ACSBG2: variants seen among roughly 807,000 people sequenced by gnomAD.
ACSBG2 encodes long-chain-fatty-acid--CoA ligase ACSBG2.
ACSBG2 carries 62 observed loss-of-function variants against 74.7 expected under a neutral mutation model. That is an observed-to-expected ratio of 0.83 (90% CI 0.68 to 1.03). The LOEUF is 1.03. Ranked by LOEUF, ACSBG2 falls within the 50% of genes least tolerant of loss-of-function variation. The pLI is 0.00. For synonymous variants in ACSBG2, 309 were observed against 294.1 expected (o/e 1.05, Z -0.52); for missense variants, 730 against 817.6 (o/e 0.89, Z 1.31).
At chr19:6,166,280 T>TGTGTGTGTGTGTG (rs2089799967) in intron 7 of ACSBG2, among the ~76,000 whole-genome samples, 2 of 119,096 alleles carry the variant, frequency 1.7e-5, no homozygotes, top group African/African-American at 7.5e-5. Context: ...GTCAGGAAGG[T>TGTGTGTGTGTGTG]TGTGTGTGTG....
chr19:6,182,910 G>GTCAAC lies in ACSBG2; in HGVS notation c.1071_1075dup (p.Lys359ThrfsTer13). 1 of 1,614,170 alleles carries GTCAAC rather than the reference G, an allele frequency of 6.2e-7. No homozygotes were observed. The highest frequency in any genetic ancestry group is 8.5e-7 in the Non-Finnish European group (1 of 1,180,018). On this transcript the variant is annotated frameshift_variant, in exon 9 of 15. Transcript: ENST00000588485. LOFTEE classifies it high-confidence loss of function. Reference sequence around the variant, plus strand: ...GTGGGCAAGAAACATTGGCTTCAAGGTCAACTCAAAAAAGATGTTGGGGTA... The same window carrying GTCAAC: ...GTGGGCAAGAAACATTGGCTTCAAGGTCAACTCAACTCAAAAAAGATGTTGGGGTA...
chr19:6,146,339 G>A (rs1306895286), intron 2 of ACSBG2, among the ~76,000 whole-genome samples: 1 of 151,926 alleles, frequency 6.6e-6, no homozygotes, highest in Non-Finnish European at 1.5e-5. Flanking sequence ...ATGTGGTGGC[G>A]GGTGCCTGTA....
At chr19:6,138,465 AGAGG>A (rs1176731400) in intron 1 of ACSBG2, among the ~76,000 whole-genome samples, 7 of 127,140 alleles carry the variant, frequency 5.5e-5, no homozygotes, top group East Asian at 2.8e-4. Context: ...CTAGGAAGAG[AGAGG>A]GAGAGAGAGA....
rs1010209157 is a variant in ACSBG2, at chr19:6,157,251, G to T, written c.507+700G>T. On this transcript the variant is annotated intron_variant, in intron 5 of 14. Transcript: ENST00000588485. ...GCGTGAGCCACCGCCCCGAGCCCGG[G>T]CTAACTTTTAAAACATTTTTTGGGC... is the stretch of plus-strand genomic sequence containing the variant. Among the ~76,000 whole-genome samples the T allele has an allele frequency of 3.3e-5, 5 of 152,010 alleles. 1 individual carries two copies. Among genetic ancestry groups the T allele is most frequent in the African/African-American group, 1.2e-4 (5 of 41,510 alleles).
At position 6,187,873 on chromosome 19, in the gene ACSBG2, G is replaced by C. The variant is rs1441057262; in HGVS notation, c.1927+28G>C. On this transcript the variant is annotated intron_variant, in intron 13 of 14. Coordinates refer to ENST00000588485, the MANE Select transcript of ACSBG2 (RefSeq NM_030924.5). ...GAGTGGCCATGACATTTGGAGGCTG[G>C]TCCCTTGTTAGCATCTGGGACTGTG... 3.1e-6 allele frequency: 5 copies of C among 1,609,634 alleles called. No individual in the cohort carries two copies. The African/African-American group carries it at 5.3e-5, about 17-fold the overall frequency.
At chr19:6,172,510 G>A (rs577097664) in intron 7 of ACSBG2, among the ~76,000 whole-genome samples, 64 of 151,378 alleles carry the variant, frequency 4.2e-4, no homozygotes, top group African/African-American at 1.4e-3. Flanking sequence ...AGGTCTGTAC[G>A]GGTTCCATGG....
At chr19:6,178,665 G>A (rs1310387468) in intron 8 of ACSBG2, among the ~76,000 whole-genome samples, 1 of 152,156 alleles carries the variant, frequency 6.6e-6, no homozygotes, top group Non-Finnish European at 1.5e-5. Context: ...ATGAGCCACT[G>A]CACCCAGCTC....
chr19:6,191,829 T>A (rs900285059), intron 14 of ACSBG2: 1 of 152,192 alleles, frequency 6.6e-6, no homozygotes, highest in African/African-American at 2.4e-5. Context: ...CTTCATTTGT[T>A]GATGTCTTGT....
At chr19:6,157,592 T>A (rs1568229508) in intron 5 of ACSBG2, among the ~76,000 whole-genome samples, 1 of 151,996 alleles carries the variant, frequency 6.6e-6, no homozygotes, top group Admixed American at 6.6e-5. Context: ...AAACCATTTT[T>A]TTTTTGTAGA....
chr19:6,160,178 C>T (rs1227687062), intron 5 of ACSBG2, among the ~76,000 whole-genome samples: 2 of 151,900 alleles, frequency 1.3e-5, no homozygotes, highest in Non-Finnish European at 2.9e-5. Flanking sequence ...ATCACGAGGT[C>T]AGGAGATCGA....
At chr19:6,166,918 C>A (rs377374897) in intron 7 of ACSBG2, among the ~76,000 whole-genome samples, 3 of 151,998 alleles carry the variant, frequency 2.0e-5, no homozygotes, top group Non-Finnish European at 2.9e-5. Context: ...GGATTACAGG[C>A]GTGAGCCACA....
chr19:6,170,433 CT>C (rs1325810625), intron 7 of ACSBG2, among the ~76,000 whole-genome samples: 1 of 152,150 alleles, frequency 6.6e-6, no homozygotes, highest in African/African-American at 2.4e-5. Context: ...ATAAAGCCCA[CT>C]TAAAAAGTAT....
At chr19:6,177,894 GT>G (rs2090132364) in intron 8 of ACSBG2, among the ~76,000 whole-genome samples, 1 of 151,546 alleles carries the variant, frequency 6.6e-6, no homozygotes, top group Non-Finnish European at 1.5e-5. Flanking sequence ...GTGTGTGTGT[GT>G]GTGTGTGTGT....
At chr19:6,164,351 G>A (rs1013851276) in intron 6 of ACSBG2, among the ~76,000 whole-genome samples, 14 of 152,146 alleles carry the variant, frequency 9.2e-5, no homozygotes, top group African/African-American at 2.2e-4. Flanking sequence ...CTGGGCAAAG[G>A]GCTTTGCCTG....
At chr19:6,156,754 T>C (rs771644987) in intron 5 of ACSBG2, among the ~76,000 whole-genome samples, 1 of 151,954 alleles carries the variant, frequency 6.6e-6, no homozygotes, top group Non-Finnish European at 1.5e-5. Context: ...TGATTTCCAA[T>C]TCATATTAAC....
At chr19:6,171,708 G>A (rs1480198633) in intron 7 of ACSBG2, among the ~76,000 whole-genome samples, 1 of 152,026 alleles carries the variant, frequency 6.6e-6, no homozygotes. Flanking sequence ...GCCATATTGT[G>A]TAGCATCTCA....
chr19:6,184,556 C>T (rs1417951724), intron 10 of ACSBG2, among the ~76,000 whole-genome samples: 3 of 149,866 alleles, frequency 2.0e-5, no homozygotes, highest in East Asian at 2.0e-4. Context: ...CAGCAACACA[C>T]GGAGAAAATA....
At chr19:6,181,356 GAAA>G (rs1171381283) in intron 8 of ACSBG2, among the ~76,000 whole-genome samples, 1 of 141,350 alleles carries the variant, frequency 7.1e-6, no homozygotes, top group South Asian at 2.2e-4. Flanking sequence ...AAGGAAGAAA[GAAA>G]AAGAAAGAAA....
chr19:6,164,933 C>A (rs1166839604), intron 6 of ACSBG2, among the ~76,000 whole-genome samples: 1 of 152,200 alleles, frequency 6.6e-6, no homozygotes, highest in Non-Finnish European at 1.5e-5. Flanking sequence ...TCTTCACTTG[C>A]CTTAAGTAAT....
Sources: allele counts gnomAD v4.1 joint callset (sites outside exome capture counted in the v4.1 genomes callset), GRCh38; gene constraint gnomAD v4.1.1; transcripts MANE v1.5; gene names NCBI Gene and HGNC (gene_info 2026-07-23, HGNC 2026-07-21).